JAKMIP2: variants seen among roughly 807,000 people sequenced by gnomAD.
JAKMIP2 encodes janus kinase and microtubule-interacting protein 2.
In JAKMIP2, 25 loss-of-function variants were observed where a neutral mutation model predicts 115.0. The observed-to-expected ratio is 0.22, with a 90% CI of 0.16 to 0.30. The LOEUF is 0.30. Ranked by LOEUF, JAKMIP2 falls within the 10% of genes least tolerant of loss-of-function variation. JAKMIP2 has a pLI of 1.00. For missense variants in JAKMIP2, 642 were observed against 957.6 expected, an observed-to-expected ratio of 0.67 and a Z score of 4.35; for synonymous variants, 334 against 343.6, an observed-to-expected ratio of 0.97 and a Z score of 0.31.
chr5:147,672,767 G>A (rs186384195), intron 1 of JAKMIP2, among the ~76,000 whole-genome samples: 2 of 152,282 alleles, frequency 1.3e-5, no homozygotes, highest in Non-Finnish European at 2.9e-5. Flanking sequence ...GATAACAGAT[G>A]GAGAAACAGG....
intron 1 of JAKMIP2, among the ~76,000 whole-genome samples, chr5:147,767,175 TGTGTGTGC>T (rs1755185401): frequency 6.6e-6 from 1 of 152,152 alleles, no homozygotes; most frequent in South Asian, 2.1e-4. Context: ...ATGGCAACAT[TGTGTGTGC>T]ACACGCGTGC....
intron 10 of JAKMIP2, 83 bp from the exon 11 acceptor site, chr5:147,637,131 G>C (rs1757651407): frequency 2.6e-6 from 2 of 774,734 alleles, no homozygotes; most frequent in Non-Finnish European, 4.5e-6. Flanking sequence ...AAGTAAGAGA[G>C]AGAGAGAGGA....
intron 1 of JAKMIP2, among the ~76,000 whole-genome samples, chr5:147,717,670 T>G (rs1292139883): frequency 6.6e-6 from 1 of 151,310 alleles, no homozygotes; most frequent in South Asian, 2.1e-4. Context: ...TGTATAAGAA[T>G]GCTTGTGATT....
intron 1 of JAKMIP2, among the ~76,000 whole-genome samples, chr5:147,748,570 A>G (rs757785881): frequency 1.3e-5 from 2 of 152,228 alleles, no homozygotes; most frequent in Non-Finnish European, 2.9e-5. Flanking sequence ...GAATACTGGC[A>G]GCTGTGCCAA....
chr5:147,780,897 T>C (rs1359134484), intron 1 of JAKMIP2, among the ~76,000 whole-genome samples: 2 of 152,186 alleles, frequency 1.3e-5, no homozygotes. Flanking sequence ...GATAAAACTA[T>C]AATAGCCCAT....
At chr5:147,691,553 A>G (rs1751860969) in intron 1 of JAKMIP2, among the ~76,000 whole-genome samples, 1 of 152,196 alleles carries the variant, frequency 6.6e-6, no homozygotes, top group Non-Finnish European at 1.5e-5. Context: ...AGAATCATGC[A>G]CTTACCCAAG....
At chr5:147,710,731 C>A (rs544845192) in intron 1 of JAKMIP2, among the ~76,000 whole-genome samples, 82 of 152,206 alleles carry the variant, frequency 5.4e-4, no homozygotes, top group African/African-American at 2.0e-3. Context: ...ATTGTTATGG[C>A]ACAATGAATT....
intron 7 of JAKMIP2, 144 bp downstream of exon 7, chr5:147,643,914 T>A (rs1437988154): frequency 1.9e-5 from 10 of 532,350 alleles, no homozygotes; most frequent in Non-Finnish European, 2.2e-5. Context: ...AATATTGGAA[T>A]ACAGTCTCTA....
At chr5:147,686,106 T>C (rs897905525) in intron 1 of JAKMIP2, among the ~76,000 whole-genome samples, 4 of 152,204 alleles carry the variant, frequency 2.6e-5, no homozygotes, top group Non-Finnish European at 5.9e-5. Context: ...TTGTTCCTAA[T>C]CTGAAATGCT....
chr5:147,623,425 AT>A (rs1013466080), intron 17 of JAKMIP2, among the ~76,000 whole-genome samples, 195 bp downstream of exon 17: 3 of 151,954 alleles, frequency 2.0e-5, no homozygotes, highest in Non-Finnish European at 4.4e-5. Flanking sequence ...AAAAACTAAC[AT>A]TTTTTGGGGG....
intron 1 of JAKMIP2, among the ~76,000 whole-genome samples, chr5:147,745,056 CAA>C (rs60275664): frequency 5.9e-4 from 52 of 88,368 alleles, no homozygotes; most frequent in Admixed American, 1.4e-3. Flanking sequence ...GACTCTGTCT[CAA>C]AAAAAAAAAA....
At chr5:147,638,972 C>T (rs563733873) in intron 10 of JAKMIP2, among the ~76,000 whole-genome samples, 30 of 152,214 alleles carry the variant, frequency 2.0e-4, no homozygotes, top group African/African-American at 7.2e-4. Flanking sequence ...AGCAAGCACT[C>T]AATAAATATT....
rs1291297900 is a variant in JAKMIP2, at chr5:147,671,733, T to C, written c.74A>G (p.Asp25Gly). 1 of 1,591,150 alleles carries C rather than the reference T, an allele frequency of 6.3e-7. No homozygotes were observed. Among genetic ancestry groups the C allele is most frequent in the Non-Finnish European group, 8.6e-7 (1 of 1,168,114 alleles). Residue 25 changes from aspartate to glycine, a missense_variant, in exon 2 of 22, where the codon GAC becomes GGC. Coordinates refer to ENST00000616793, the MANE Select transcript of JAKMIP2 (RefSeq NM_001270941.2). The stretch of plus-strand genomic sequence containing the variant: ...AATGTCTGTGAGCTTGGTCCTGAGG[T>C]CTTCATTGGCAGCTTGAAGGGCAAC... ...LIVALQAANE[D>G]LRTKLTDIQI...
At chr5:147,763,725 A>G (rs186867689) in intron 1 of JAKMIP2, among the ~76,000 whole-genome samples, 2 of 152,252 alleles carry the variant, frequency 1.3e-5, no homozygotes, top group African/African-American at 4.8e-5. Flanking sequence ...GGAGTAGTTT[A>G]ATGAATTAGG....
At chr5:147,746,119 A>G (rs995958248) in intron 1 of JAKMIP2, among the ~76,000 whole-genome samples, 17 of 152,206 alleles carry the variant, frequency 1.1e-4, no homozygotes, top group Admixed American at 1.0e-3. Flanking sequence ...GAAAAATCCA[A>G]AAGTAAATAT....
intron 1 of JAKMIP2, among the ~76,000 whole-genome samples, chr5:147,753,231 G>T (rs530557256): frequency 6.6e-6 from 1 of 152,146 alleles, no homozygotes; most frequent in African/African-American, 2.4e-5. Flanking sequence ...ATAGTAACCG[G>T]TTACTGAGAA....
chr5:147,665,742 C>T (rs1759265471), intron 2 of JAKMIP2, among the ~76,000 whole-genome samples: 1 of 152,048 alleles, frequency 6.6e-6, no homozygotes, highest in African/African-American at 2.4e-5. Flanking sequence ...CGGAAAAGTA[C>T]CTTGAACTGT....
chr5:147,650,641 G>A, intron 3 of JAKMIP2, 94 bp from the exon 4 acceptor site: 3 of 922,064 alleles, frequency 3.3e-6, no homozygotes, highest in African/African-American at 1.7e-5. Flanking sequence ...TTATCTGATT[G>A]ATACAGAAAA....
chr5:147,647,974 G>A (rs546870863), intron 5 of JAKMIP2, among the ~76,000 whole-genome samples: 5 of 152,274 alleles, frequency 3.3e-5, no homozygotes, highest in African/African-American at 1.2e-4. Context: ...GAAAATGAAT[G>A]AATTCTACAT....
Sources: gnomAD v4.1 joint callset for allele counts (sites outside exome capture counted in the v4.1 genomes callset) on GRCh38, gnomAD v4.1.1 for gene constraint, MANE v1.5 for transcripts, NCBI Gene and HGNC (gene_info 2026-07-23, HGNC 2026-07-21) for gene names.